Variants in CNTNAP2 observed in about 807,000 individuals in gnomAD.
CNTNAP2 encodes the protein contactin-associated protein-like 2.
Under a neutral mutation model 155.2 loss-of-function variants are expected in CNTNAP2, and 98 were observed. The ratio of observed to expected loss-of-function variants is 0.63; its 90% confidence interval spans 0.54 to 0.75. The LOEUF is 0.75. Ranked by LOEUF, CNTNAP2 falls within the 30% of genes least tolerant of loss-of-function variation. CNTNAP2 has a pLI of 0.00. For missense variants in CNTNAP2, 1,727 were observed against 1,688.1 expected (o/e 1.02, Z -0.40); for synonymous variants, 651 against 631.2 (o/e 1.03, Z -0.47).
At chr7:148,296,116 ACTCT>A in intron 21 of CNTNAP2, among the ~76,000 whole-genome samples, 1 of 152,024 alleles carries the variant, frequency 6.6e-6, no homozygotes, top group African/African-American at 2.4e-5. Flanking sequence ...TGAGCCAAAA[ACTCT>A]CTCTTTTTAG....
intron 1 of CNTNAP2, among the ~76,000 whole-genome samples, chr7:146,166,668 T>C (rs1798317112): frequency 6.6e-6 from 1 of 152,224 alleles, no homozygotes; most frequent in South Asian, 2.1e-4. Context: ...ATTTAAGCTA[T>C]TTTTAAAAAA....
At chr7:148,149,281 T>C (rs1805252091) in intron 17 of CNTNAP2, among the ~76,000 whole-genome samples, 1 of 152,172 alleles carries the variant, frequency 6.6e-6, no homozygotes, top group Non-Finnish European at 1.5e-5. Flanking sequence ...TGGAAGAGTA[T>C]TTATTATGGT....
intron 17 of CNTNAP2, among the ~76,000 whole-genome samples, chr7:148,166,746 G>T (rs565532084): frequency 1.3e-5 from 2 of 152,270 alleles, no homozygotes; most frequent in Non-Finnish European, 2.9e-5. Flanking sequence ...CCCTTGCATG[G>T]CAGGGGGCTC....
chr7:147,480,211 G>C (rs1798397452), intron 10 of CNTNAP2, among the ~76,000 whole-genome samples: 1 of 152,116 alleles, frequency 6.6e-6, no homozygotes. Context: ...GAGATGAAGG[G>C]AACAACTCAT....
chr7:146,906,100 A>T (rs1796118816), intron 3 of CNTNAP2, among the ~76,000 whole-genome samples: 1 of 152,246 alleles, frequency 6.6e-6, no homozygotes, highest in East Asian at 1.9e-4. Flanking sequence ...AGACCGGCTT[A>T]AAAAACGGCG....
chr7:147,668,181 A>AC (rs149026189), intron 13 of CNTNAP2, among the ~76,000 whole-genome samples: 6,141 of 152,028 alleles, frequency 0.04, 139 homozygotes, highest in Middle Eastern at 0.13. Context: ...GAAAAGGAAA[A>AC]CCCCCAAGGA....
Position 146,979,687 on chromosome 7 carries a change from A to G in CNTNAP2, c.403-64220A>G, listed in dbSNP as rs988877621. On this transcript the variant is annotated intron_variant, in intron 3 of 23. Coordinates refer to ENST00000361727, the MANE Select transcript of CNTNAP2 (RefSeq NM_014141.6). ...AAAAAAATGTTTGTTGAAGGAAGAA[A>G]TACTTCTAGTTCCCACAAATTATGC... Among the ~76,000 whole-genome samples the G allele has an allele frequency of 6.6e-5, 10 of 152,336 alleles. No individual in the cohort carries two copies. In the East Asian group the frequency reaches 1.9e-3, roughly 29 times the overall value.
intron 13 of CNTNAP2, among the ~76,000 whole-genome samples, chr7:147,737,442 T>C (rs12530977): frequency 0.011 from 1,678 of 151,834 alleles, 96 homozygotes; most frequent in Admixed American, 0.088. Flanking sequence ...TACTGGGGGG[T>C]GCCTCCCAGT....
chr7:148,123,454 T>C (rs926912153), intron 16 of CNTNAP2, among the ~76,000 whole-genome samples: 3 of 151,978 alleles, frequency 2.0e-5, no homozygotes, highest in Admixed American at 6.6e-5. Context: ...TAGCCAGGCA[T>C]GGTTGGCTGC....
chr7:148,323,236 C>G (rs901444935), intron 21 of CNTNAP2, among the ~76,000 whole-genome samples: 6 of 148,828 alleles, frequency 4.0e-5, no homozygotes, highest in African/African-American at 1.5e-4. Context: ...CCAGAACCGA[C>G]TGGCTTAAAA....
chr7:147,677,509 G>A (rs867133406), intron 13 of CNTNAP2, among the ~76,000 whole-genome samples: 58 of 151,936 alleles, frequency 3.8e-4, no homozygotes, highest in Middle Eastern at 3.4e-3. Flanking sequence ...CTGTAGAACA[G>A]CTTTCTATTT....
chr7:147,482,604 C>T (rs577819726), intron 10 of CNTNAP2, among the ~76,000 whole-genome samples: 605 of 152,110 alleles, frequency 4.0e-3, no homozygotes, highest in Admixed American at 7.0e-3. Flanking sequence ...GCCTGTGGTC[C>T]CAGCTGCTCG....
At chr7:148,220,859 T>C (rs180714724) in intron 19 of CNTNAP2, among the ~76,000 whole-genome samples, 304 of 152,292 alleles carry the variant, frequency 2.0e-3, no homozygotes, top group Non-Finnish European at 3.3e-3. Context: ...ATAGGTTTTT[T>C]TGACCCACTG....
intron 1 of CNTNAP2, among the ~76,000 whole-genome samples, chr7:146,158,454 G>A (rs1798162263): frequency 6.6e-6 from 1 of 152,136 alleles, no homozygotes; most frequent in Non-Finnish European, 1.5e-5. Flanking sequence ...TGAGCTAAAG[G>A]AGGATGTTAG....
chr7:147,830,086 G>A (rs976298521), intron 13 of CNTNAP2, among the ~76,000 whole-genome samples: 5 of 151,868 alleles, frequency 3.3e-5, no homozygotes, highest in Admixed American at 1.3e-4. Flanking sequence ...GTTTCCATGG[G>A]GCATTCAATA....
chr7:147,653,439 A>C (rs1252913981), intron 13 of CNTNAP2, among the ~76,000 whole-genome samples: 1 of 152,226 alleles, frequency 6.6e-6, no homozygotes, highest in Non-Finnish European at 1.5e-5. Flanking sequence ...GGGGGGATGA[A>C]CAGCAGGACA....
At chr7:146,353,251 C>T (rs1477161218) in intron 1 of CNTNAP2, among the ~76,000 whole-genome samples, 1 of 152,134 alleles carries the variant, frequency 6.6e-6, no homozygotes, top group Non-Finnish European at 1.5e-5. Flanking sequence ...CATGCTTAGT[C>T]CTCATCTTTC....
intron 14 of CNTNAP2, among the ~76,000 whole-genome samples, chr7:147,963,258 T>C (rs1425704529): frequency 2.0e-5 from 3 of 152,058 alleles, no homozygotes; most frequent in Admixed American, 1.3e-4. Context: ...GACAAAGAGA[T>C]AAATATCTGA....
At chr7:148,140,277 G>A (rs149073813) in intron 16 of CNTNAP2, among the ~76,000 whole-genome samples, 12 of 152,218 alleles carry the variant, frequency 7.9e-5, no homozygotes, top group South Asian at 2.1e-4. Context: ...CTGAGACTCC[G>A]TTATATAGGA....
Sources: allele counts gnomAD v4.1 joint callset (sites outside exome capture counted in the v4.1 genomes callset), GRCh38; gene constraint gnomAD v4.1.1; transcripts MANE v1.5; gene names NCBI Gene and HGNC (gene_info 2026-07-23, HGNC 2026-07-21).